Variants in SORCS3 observed in about 807,000 individuals in gnomAD.
SORCS3 encodes the protein VPS10 domain-containing receptor SorCS3.
In SORCS3, 57 loss-of-function variants were observed where a neutral mutation model predicts 146.3. That is an observed-to-expected ratio of 0.39 (90% CI 0.31 to 0.49). SORCS3 has a LOEUF of 0.49. Among genes scored for constraint, SORCS3 ranks in the 20% least tolerant of loss-of-function variants. The probability of loss-of-function intolerance (pLI) is 0.92; values close to 1 mark genes in which losing one functional copy is unlikely to be tolerated. For synonymous variants in SORCS3, 653 were observed against 618.5 expected (o/e 1.06, Z -0.83); for missense variants, 1,341 against 1,575.5 (o/e 0.85, Z 2.52).
At chr10:104,954,424 T>C (rs752294566) in intron 3 of SORCS3, among the ~76,000 whole-genome samples, 1 of 152,214 alleles carries the variant, frequency 6.6e-6, no homozygotes, top group Non-Finnish European at 1.5e-5. Flanking sequence ...GATACTTTTA[T>C]AACACATGCT....
intron 3 of SORCS3, among the ~76,000 whole-genome samples, chr10:104,935,618 A>G (rs1056323675): frequency 6.6e-6 from 1 of 152,116 alleles, no homozygotes. Flanking sequence ...CAGGAGAGTG[A>G]TAAGCATTGC....
Position 104,711,680 on chromosome 10 carries a change from G to A in SORCS3, c.627+69726G>A, listed in dbSNP as rs11815351. On this transcript the variant is annotated intron_variant, in intron 1 of 26. Transcript: ENST00000369701. ...GGCCCCTCCTCTGCCTTGCATTTCT[G>A]CATAGAGACAGATTCAAGGTGAGAA... Among the ~76,000 whole-genome samples the A allele has an allele frequency of 4.5e-3, 684 of 152,336 alleles. 8 individuals carry two copies. Among genetic ancestry groups the A allele is most frequent in the African/African-American group, 0.015 (623 of 41,582 alleles).
At chr10:105,181,266 G>A (rs1484242) in intron 14 of SORCS3, among the ~76,000 whole-genome samples, 1 of 152,150 alleles carries the variant, frequency 6.6e-6, no homozygotes, top group African/African-American at 2.4e-5. Context: ...AGCATGTTAG[G>A]AAATTGATTA....
At chr10:105,154,287 C>CCA (rs1424179860) in intron 9 of SORCS3, among the ~76,000 whole-genome samples, 1 of 152,138 alleles carries the variant, frequency 6.6e-6, no homozygotes, top group Non-Finnish European at 1.5e-5. Context: ...CAGCCCCTCA[C>CCA]CACAGGTGGG....
intron 4 of SORCS3, among the ~76,000 whole-genome samples, chr10:105,042,768 G>A (rs1388542185): frequency 1.3e-5 from 2 of 152,150 alleles, no homozygotes; most frequent in African/African-American, 4.8e-5. Flanking sequence ...TGGGAGCACA[G>A]AATCTGCCTC....
chr10:104,984,252 T>C (rs1467431597), intron 4 of SORCS3, among the ~76,000 whole-genome samples: 4 of 152,202 alleles, frequency 2.6e-5, no homozygotes, highest in African/African-American at 9.6e-5. Flanking sequence ...CAAGAATTTA[T>C]TGACATTCAG....
chr10:105,245,066 CAA>C (rs3043042), intron 20 of SORCS3, among the ~76,000 whole-genome samples: 6 of 99,750 alleles, frequency 6.0e-5, no homozygotes, highest in African/African-American at 4.4e-5. Flanking sequence ...AAGACTCTGT[CAA>C]AAAAAAAAAA....
At chr10:104,681,123 C>A (rs937108648) in intron 1 of SORCS3, among the ~76,000 whole-genome samples, 1 of 152,228 alleles carries the variant, frequency 6.6e-6, no homozygotes, top group African/African-American at 2.4e-5. Context: ...CACTTTAAAA[C>A]GGGAAATGTA....
intron 1 of SORCS3, among the ~76,000 whole-genome samples, chr10:104,794,701 T>C (rs2017533914): frequency 6.7e-6 from 1 of 149,848 alleles, no homozygotes; most frequent in African/African-American, 2.5e-5. Flanking sequence ...ATTTAGAAGG[T>C]TACTTCAGTG....
At chr10:105,172,365 G>T (rs1410774647) in intron 13 of SORCS3, among the ~76,000 whole-genome samples, 1 of 152,184 alleles carries the variant, frequency 6.6e-6, no homozygotes, top group Non-Finnish European at 1.5e-5. Context: ...TTGAATGGTA[G>T]TGTGTACTTG....
chr10:105,243,658 A>T (rs2056849745), intron 20 of SORCS3, among the ~76,000 whole-genome samples: 1 of 152,208 alleles, frequency 6.6e-6, no homozygotes, highest in Non-Finnish European at 1.5e-5. Flanking sequence ...AGTTAAGGGA[A>T]GGAGTATATC....
intron 2 of SORCS3, among the ~76,000 whole-genome samples, chr10:104,845,376 G>A (rs1332678396): frequency 6.6e-6 from 1 of 152,210 alleles, no homozygotes; most frequent in Non-Finnish European, 1.5e-5. Flanking sequence ...TGGCACACAA[G>A]AGGTGCTTAA....
Position 104,940,343 on chromosome 10 carries a change from T to C in SORCS3, c.795+24411T>C, listed in dbSNP as rs561616295. Among the ~76,000 whole-genome samples, 27 of 125,224 alleles carry C rather than the reference T, an allele frequency of 2.2e-4. No individual in the cohort carries two copies. In the South Asian group the frequency reaches 6.4e-3, roughly 30 times the overall value. The allele number at this position is 125,224 out of a possible 152,430, so 82.2% of individuals were successfully genotyped here. A position where few individuals can be genotyped will look rare whatever the true frequency, so the allele number is the denominator to read the frequency against. On this transcript the variant is annotated intron_variant, in intron 3 of 26. Coordinates refer to ENST00000369701, the MANE Select transcript of SORCS3 (RefSeq NM_014978.3). ...GTGCCATGTTGGTGTGCCGCACCCA[T>C]TAACTCGTCATTTACATTAGGTATA... is the stretch of plus-strand genomic sequence containing the variant.
At chr10:104,818,363 TC>T (rs2017830190) in intron 1 of SORCS3, among the ~76,000 whole-genome samples, 2 of 67,486 alleles carry the variant, frequency 3.0e-5, no homozygotes, top group Admixed American at 3.8e-4. Flanking sequence ...TCTCCTTTCT[TC>T]CTTCCTTCCT....
At chr10:104,953,134 T>C (rs1242659486) in intron 3 of SORCS3, among the ~76,000 whole-genome samples, 1 of 152,218 alleles carries the variant, frequency 6.6e-6, no homozygotes, top group Non-Finnish European at 1.5e-5. Context: ...AACCAAATAA[T>C]GTCCCAATTC....
intron 20 of SORCS3, among the ~76,000 whole-genome samples, chr10:105,227,117 C>G (rs577793266): frequency 6.6e-6 from 1 of 151,768 alleles, no homozygotes; most frequent in East Asian, 1.9e-4. Context: ...TTTGTTCTTG[C>G]TTTTCTAGTT....
At chr10:105,188,006 G>C (rs946375514) in intron 14 of SORCS3, among the ~76,000 whole-genome samples, 9 of 152,198 alleles carry the variant, frequency 5.9e-5, no homozygotes, top group African/African-American at 1.7e-4. Flanking sequence ...GCTGCTGCTG[G>C]TGGTGGTGGT....
intron 4 of SORCS3, among the ~76,000 whole-genome samples, chr10:105,030,586 C>G (rs1589601442): frequency 6.9e-6 from 1 of 145,378 alleles, no homozygotes; most frequent in African/African-American, 2.6e-5. Context: ...AAAGAAGATG[C>G]TGAAGATCCT....
intron 4 of SORCS3, among the ~76,000 whole-genome samples, chr10:105,013,026 T>C (rs1391547920): frequency 6.6e-6 from 1 of 152,164 alleles, no homozygotes; most frequent in East Asian, 1.9e-4. Flanking sequence ...TTGAGGGTGG[T>C]TTATTTCTAG....
Sources: allele counts gnomAD v4.1 joint callset (sites outside exome capture counted in the v4.1 genomes callset), GRCh38; gene constraint gnomAD v4.1.1; transcripts MANE v1.5; gene names NCBI Gene and HGNC (gene_info 2026-07-23, HGNC 2026-07-21).